Variants in DOCK3 observed in about 807,000 individuals in gnomAD.
The protein encoded by DOCK3 is dedicator of cytokinesis 3.
A neutral mutation model predicts 265.6 loss-of-function variants in DOCK3; 60 were observed. The observed-to-expected ratio is 0.23, with a 90% CI of 0.18 to 0.28. DOCK3 has a LOEUF of 0.28. Ranked by LOEUF, DOCK3 falls within the 10% of genes least tolerant of loss-of-function variation. The probability of loss-of-function intolerance (pLI) is 1.00; values close to 1 mark genes in which losing one functional copy is unlikely to be tolerated. For missense variants in DOCK3, 1,981 were observed against 2,594.3 expected (o/e 0.76, Z 5.14); for synonymous variants, 881 against 938.0 (o/e 0.94, Z 1.11).
At chr3:51,050,228 A>G (rs893548820) in intron 5 of DOCK3, among the ~76,000 whole-genome samples, 2 of 152,082 alleles carry the variant, frequency 1.3e-5, no homozygotes, top group Non-Finnish European at 2.9e-5. Context: ...TACCAAAAAC[A>G]AAAACACAAT....
At chr3:50,738,077 T>C (rs529877142) in intron 1 of DOCK3, among the ~76,000 whole-genome samples, 1 of 152,286 alleles carries the variant, frequency 6.6e-6, no homozygotes, top group African/African-American at 2.4e-5. Context: ...TGCCTGGAGA[T>C]TATGGGTAGG....
chr3:51,054,657 A>G (rs763107622), intron 5 of DOCK3, among the ~76,000 whole-genome samples: 8 of 152,220 alleles, frequency 5.3e-5, no homozygotes, highest in Non-Finnish European at 1.2e-4. Context: ...CCATTTATCT[A>G]TTGGATTGCA....
At chr3:50,983,900 T>C (rs966166851) in intron 5 of DOCK3, among the ~76,000 whole-genome samples, 1 of 152,152 alleles carries the variant, frequency 6.6e-6, no homozygotes, top group Non-Finnish European at 1.5e-5. Flanking sequence ...ACTGTCTCTT[T>C]GGGGCCTTCC....
intron 1 of DOCK3, among the ~76,000 whole-genome samples, chr3:50,742,331 A>G (rs1171822157): frequency 6.6e-6 from 1 of 152,250 alleles, no homozygotes; most frequent in Non-Finnish European, 1.5e-5. Context: ...CAGCAACGGA[A>G]CAAAGCTGGA....
chr3:51,280,159 T>C lies in DOCK3; in HGVS notation c.2877T>C (p.His959=). 1 of 1,613,872 alleles carries C rather than the reference T, an allele frequency of 6.2e-7. No homozygotes were observed. The highest frequency in any genetic ancestry group is 8.5e-7 in the Non-Finnish European group (1 of 1,179,854). The change falls in exon 27 of 53, where the codon CAT becomes CAC. Residue 959 remains histidine (H), a synonymous_variant. Transcript: ENST00000266037. Reference sequence around the variant, plus strand: ...TGCTCCGCCAGATGTGTGACACCCATTTCCAGCACCTCCTGGACAACTTCC... The same window carrying C: ...TGCTCCGCCAGATGTGTGACACCCACTTCCAGCACCTCCTGGACAACTTCC... ...LSLLRQMCDT[H]FQHLLDNFQS...
chr3:51,251,632 C>T (rs2079245524), intron 22 of DOCK3, among the ~76,000 whole-genome samples: 1 of 152,214 alleles, frequency 6.6e-6, no homozygotes, highest in Non-Finnish European at 1.5e-5. Flanking sequence ...TGATGATGAG[C>T]TTTTTTTCAT....
At position 51,361,358 on chromosome 3, in the gene DOCK3, A is replaced by C. The variant is rs2086719808; in HGVS notation, c.5007-501A>C. Among the ~76,000 whole-genome samples the C allele has an allele frequency of 6.6e-6, 1 of 152,124 alleles. No individual in the cohort carries two copies. The highest frequency in any genetic ancestry group is 2.1e-4 in the South Asian group (1 of 4,822). ...GTATTGCTAGAGGAGAGCTATTGACAAGCCTTTTGGCCACAGATGTGGAAG... is the reference window on the plus strand; with the variant it reads ...GTATTGCTAGAGGAGAGCTATTGACCAGCCTTTTGGCCACAGATGTGGAAG... On this transcript the variant is annotated intron_variant, in intron 47 of 52. Transcript: ENST00000266037. The surrounding 1 kb of genome is among the most constrained non-coding windows in gnomAD (Gnocchi z 4.2).
intron 12 of DOCK3, among the ~76,000 whole-genome samples, chr3:51,200,083 A>G (rs960670813): frequency 2.6e-5 from 4 of 152,114 alleles, no homozygotes; most frequent in Non-Finnish European, 4.4e-5. Context: ...AAAGATGGGG[A>G]AAAAACAGAG....
At chr3:50,855,654 CTTATTTATTTAT>C (rs562663180) in intron 3 of DOCK3, among the ~76,000 whole-genome samples, 1 of 151,772 alleles carries the variant, frequency 6.6e-6, no homozygotes, top group Non-Finnish European at 1.5e-5. Flanking sequence ...CCTTTTATTT[CTTATTTATTTAT>C]TTATTTATTT....
intron 1 of DOCK3, among the ~76,000 whole-genome samples, chr3:50,734,093 A>G (rs2038405363): frequency 6.6e-6 from 1 of 152,208 alleles, no homozygotes; most frequent in Non-Finnish European, 1.5e-5. Flanking sequence ...GTGAGATAAT[A>G]CATATGTTAA....
intron 5 of DOCK3, among the ~76,000 whole-genome samples, chr3:50,952,962 G>A (rs569269028): frequency 6.6e-6 from 1 of 152,206 alleles, no homozygotes; most frequent in East Asian, 1.9e-4. Context: ...TGAAACTTAA[G>A]TGATTTTCTT....
At chr3:50,911,893 G>A (rs1230969764) in intron 4 of DOCK3, among the ~76,000 whole-genome samples, 1 of 151,834 alleles carries the variant, frequency 6.6e-6, no homozygotes. Flanking sequence ...TCACTACCTT[G>A]TTTAATTTAT....
chr3:51,133,005 G>C (rs1310346489), intron 9 of DOCK3, among the ~76,000 whole-genome samples: 1 of 152,028 alleles, frequency 6.6e-6, no homozygotes, highest in East Asian at 1.9e-4. Flanking sequence ...TGAGGCAGTT[G>C]CCAGGCAGGA....
At chr3:50,772,817 C>G (rs952452068) in intron 1 of DOCK3, among the ~76,000 whole-genome samples, 1 of 151,958 alleles carries the variant, frequency 6.6e-6, no homozygotes, top group African/African-American at 2.4e-5. Flanking sequence ...AGATCTCATG[C>G]TCATGGATTT....
intron 3 of DOCK3, chr3:50,863,401 A>G (rs758097589): frequency 1.9e-6 from 1 of 519,626 alleles, no homozygotes; most frequent in Non-Finnish European, 3.9e-6. Context: ...CACCAATAGC[A>G]TAGCTCTGGG....
intron 32 of DOCK3, among the ~76,000 whole-genome samples, chr3:51,320,257 G>A (rs1315455488): frequency 6.6e-6 from 1 of 152,090 alleles, no homozygotes; most frequent in Admixed American, 6.5e-5. Context: ...AGCCATGAGG[G>A]ACTGTGAACT....
chr3:50,901,680 T>C, intron 4 of DOCK3: 1 of 454,210 alleles, frequency 2.2e-6, no homozygotes, highest in Non-Finnish European at 4.4e-6. Flanking sequence ...GAGTGCACTG[T>C]TCCTCAAGGC....
chr3:50,961,856 G>T (rs1407749223), intron 5 of DOCK3, among the ~76,000 whole-genome samples: 1 of 151,920 alleles, frequency 6.6e-6, no homozygotes, highest in African/African-American at 2.4e-5. Context: ...GTATGAAATG[G>T]CTTCATAATT....
At chr3:51,073,296 A>T (rs2081950257) in intron 6 of DOCK3, among the ~76,000 whole-genome samples, 1 of 134,436 alleles carries the variant, frequency 7.4e-6, no homozygotes, top group African/African-American at 2.9e-5. Flanking sequence ...AAATATTTGA[A>T]ATTATATCTG....
Sources: allele counts gnomAD v4.1 joint callset (sites outside exome capture counted in the v4.1 genomes callset), GRCh38; gene constraint gnomAD v4.1.1; non-coding constraint Gnocchi (gnomAD v3.1); transcripts MANE v1.5; gene names NCBI Gene and HGNC (gene_info 2026-07-23, HGNC 2026-07-21).